The following SCGB1D4 variants were observed in gnomAD, a reference collection of about 807,000 sequenced individuals.
The protein encoded by SCGB1D4 is IFN-gamma inducible SCGB (IIS).
A neutral mutation model predicts 8.1 loss-of-function variants in SCGB1D4; 6 were observed. That is an observed-to-expected ratio of 0.74 (90% CI 0.40 to 1.45). The LOEUF (loss-of-function observed/expected upper bound fraction) is 1.45, where lower values mean the gene tolerates loss of function less well. Ranked by LOEUF, SCGB1D4 falls within the 40% of genes most tolerant of loss-of-function variation. The pLI, the probability that SCGB1D4 is intolerant of heterozygous loss-of-function variation, is 0.02. For synonymous variants in SCGB1D4, 34 were observed against 38.1 expected, an observed-to-expected ratio of 0.89 and a Z score of 0.39; for missense variants, 93 against 95.0, an observed-to-expected ratio of 0.98 and a Z score of 0.09.
chr11:62,298,058 T>TTTTTG (rs1565139772), intron 1 of SCGB1D4, among the ~76,000 whole-genome samples: 1 of 147,124 alleles, frequency 6.8e-6, no homozygotes, highest in African/African-American at 2.5e-5. Flanking sequence ...TTTGTTTTGT[T>TTTTTG]TTTTTTTTTT....
chr11:62,296,785 G>A (rs139097520), intron 2 of SCGB1D4, among the ~76,000 whole-genome samples: 1 of 152,340 alleles, frequency 6.6e-6, no homozygotes, highest in Non-Finnish European at 1.5e-5. Context: ...TCTGAAGCCA[G>A]GCAGGGCAGG....
At chr11:62,297,741 A>G in intron 1 of SCGB1D4, 83 bp from the exon 2 acceptor site, 1 of 1,130,062 alleles carries the variant, frequency 8.8e-7, no homozygotes, top group East Asian at 2.4e-5. Flanking sequence ...ACCAGACAGG[A>G]TCCCCTGGGT....
intron 2 of SCGB1D4, among the ~76,000 whole-genome samples, chr11:62,297,046 C>T (rs781152840): frequency 3.3e-5 from 5 of 152,172 alleles, no homozygotes; most frequent in Middle Eastern, 3.2e-3. Context: ...AAAGTCTTGG[C>T]CCACTGGCTG....
chr11:62,297,575 C>T lies in SCGB1D4; in HGVS notation c.139G>A (p.Ala47Thr). ...GCTTCTGGAGGTGGATTAAGTTTGG[C>T]AACTTGGAGGTTTACCGCAGCGTCA... ...LSDAAVNLQV[A>T]KLNPPPEALA... The change falls in exon 2 of 3, where the codon GCC becomes ACC. Residue 47 changes from alanine (A) to threonine (T), a missense_variant. Physicochemically the swap from Ala to Thr is moderately conservative, Grantham distance 58. Transcript: ENST00000358585. 3 of 1,613,962 alleles carry T rather than the reference C, an allele frequency of 1.9e-6. No individual in the cohort carries two copies. Among genetic ancestry groups the T allele is most frequent in the Non-Finnish European group, 1.7e-6 (2 of 1,179,908 alleles).
rs1212177183 is a variant in SCGB1D4 at position 62,297,509 on chromosome 11, T to A, written c.205A>T (p.Ile69Leu). The change falls in exon 2 of 3, where the codon ATA (isoleucine) becomes TTA (leucine). Residue 69 changes from isoleucine (I) to leucine (L), a missense_variant. By Grantham distance (5) the Ile-to-Leu change is conservative. Coordinates refer to ENST00000358585, the MANE Select transcript of SCGB1D4 (RefSeq NM_206998.2). The stretch of plus-strand genomic sequence containing the variant: ...AATGAGAGTCGTTTCTTAAAAGATA[T>A]CTGATCGGTGCAGTGCTTCACTTCC... ...KLEVKHCTDQ[I>L]SFKKRLSLKK... 1.9e-6 allele frequency: 3 copies of A among 1,612,850 alleles called. No individual in the cohort carries two copies. Among genetic ancestry groups the A allele is most frequent in the African/African-American group, 2.7e-5 (2 of 74,842 alleles).
chr11:62,298,959 G>C lies in SCGB1D4; in HGVS notation c.52C>G (p.Gln18Glu). The change falls in exon 1 of 3, where the codon CAG (glutamine) becomes GAG (glutamate). Residue 18 changes from glutamine (Q) to glutamate (E), a missense_variant. Transcript: ENST00000358585. ...GACTCATGACTGATGTACTCACCCT[G>C]GTAGCAGCAAAGGGCCAGCGAGACC... The part of the protein sequence containing the change: ...LMVSLALCCY[Q>E]AHALVCPAVA... The C allele has an allele frequency of 2.5e-6, 4 of 1,613,862 alleles. No homozygotes were observed. Among genetic ancestry groups the C allele is most frequent in the Non-Finnish European group, 3.4e-6 (4 of 1,179,818 alleles).
chr11:62,296,527 A>C, intron 2 of SCGB1D4, 108 bp from the exon 3 acceptor site: 1 of 1,142,574 alleles, frequency 8.8e-7, no homozygotes, highest in East Asian at 2.4e-5. Flanking sequence ...CCCCAATGGC[A>C]ATTGGAAAGG....
intron 1 of SCGB1D4, 120 bp downstream of exon 1, chr11:62,298,836 G>A: frequency 1.4e-6 from 1 of 736,580 alleles, no homozygotes; most frequent in Non-Finnish European, 2.1e-6. Flanking sequence ...GCACAGAAAA[G>A]GGTTTGGAAT....
intron 1 of SCGB1D4, 140 bp downstream of exon 1, chr11:62,298,816 T>G: frequency 1.7e-6 from 1 of 605,880 alleles, no homozygotes; most frequent in Non-Finnish European, 2.7e-6. Context: ...TTATGAATCT[T>G]ATTCAACAAG....
chr11:62,297,439 A>C (rs1565139440), intron 2 of SCGB1D4, 33 bp downstream of exon 2: 1 of 1,537,734 alleles, frequency 6.5e-7, no homozygotes, highest in Non-Finnish European at 9.0e-7. Flanking sequence ...GCTGAGTTGA[A>C]TTCTGCCTCT....
chr11:62,298,835 A>C (rs1471590767), intron 1 of SCGB1D4, 121 bp downstream of exon 1: 1 of 726,932 alleles, frequency 1.4e-6, no homozygotes, highest in Non-Finnish European at 2.2e-6. Context: ...AGCACAGAAA[A>C]GGGTTTGGAA....
intron 2 of SCGB1D4, 78 bp downstream of exon 2, chr11:62,297,394 T>TG: frequency 8.8e-7 from 1 of 1,134,728 alleles, no homozygotes; most frequent in Non-Finnish European, 1.3e-6. Context: ...TCCAGGCAGG[T>TG]GACCTGACAA....
rs563133003 is a variant in SCGB1D4, at chr11:62,298,122, A to G, written c.56-464T>C. 7.4e-5 allele frequency among the ~76,000 whole-genome samples: 11 copies of G among 148,380 alleles called. No homozygotes were observed. In the East Asian group the frequency reaches 2.2e-3, roughly 30 times the overall value. On this transcript the variant is annotated intron_variant, in intron 1 of 2. Coordinates refer to ENST00000358585, the MANE Select transcript of SCGB1D4 (RefSeq NM_206998.2). ...AGGCTGGTGCTGAACTCCTGAGCTC[A>G]AGTGATCTGCCCACTGTGGCCTCCC...
At chr11:62,296,483 A>T in intron 2 of SCGB1D4, 64 bp from the exon 3 acceptor site, 5 of 1,510,914 alleles carry the variant, frequency 3.3e-6, no homozygotes, top group Non-Finnish European at 4.6e-6. Context: ...GCTGGTGATG[A>T]TAGGCTAACA....
chr11:62,297,464 G>T lies in SCGB1D4; in HGVS notation c.242+8C>A. On this transcript the variant is annotated splice_region_variant and intron_variant, in intron 2 of 2. Coordinates refer to ENST00000358585, the MANE Select transcript of SCGB1D4 (RefSeq NM_206998.2). Reference sequence around the variant, plus strand: ...ATTCTGCCTCTGCATAAAGGAGAAAGAAATTACCAGGACTTTTTCAATGAG... The same window carrying T: ...ATTCTGCCTCTGCATAAAGGAGAAATAAATTACCAGGACTTTTTCAATGAG... 1 of 1,606,540 alleles carries T rather than the reference G, an allele frequency of 6.2e-7. No individual in the cohort carries two copies. The highest frequency in any genetic ancestry group is 8.5e-7 in the Non-Finnish European group (1 of 1,174,584).
At chr11:62,298,015 T>TGTGC (rs1945457141) in intron 1 of SCGB1D4, among the ~76,000 whole-genome samples, 1 of 116,754 alleles carries the variant, frequency 8.6e-6, no homozygotes. Flanking sequence ...CGCTTTTGTG[T>TGTGC]GTGTGTGTGT....
intron 2 of SCGB1D4, among the ~76,000 whole-genome samples, chr11:62,297,075 G>A (rs1222240871): frequency 6.6e-6 from 1 of 152,208 alleles, no homozygotes; most frequent in African/African-American, 2.4e-5. Flanking sequence ...AGAGTGTCAT[G>A]GATGAGGAGT....
Position 62,297,366 on chromosome 11 carries a change from C to T in SCGB1D4, c.242+106G>A, listed in dbSNP as rs144102998. 9.6e-3 allele frequency: 8,828 copies of T among 920,048 alleles called. 113 individuals carry two copies. Among genetic ancestry groups the T allele is most frequent in the Middle Eastern group, 0.035 (155 of 4,382 alleles). The allele number at this position is 920,048 out of a possible 1,614,324, so 57.0% of individuals were successfully genotyped here. ...TAGCTCACTCCCCATGTCCTCAGCA[C>T]ACTCTGGGGACACAGCATCCAGGCA... is the stretch of plus-strand genomic sequence containing the variant. On this transcript the variant is annotated intron_variant, in intron 2 of 2. Coordinates refer to ENST00000358585, the MANE Select transcript of SCGB1D4 (RefSeq NM_206998.2).
In SCGB1D4 at chr11:62,297,632, C is replaced by CAACA; in HGVS notation, c.78_81dup (p.Ala28CysfsTer4). 6.2e-7 allele frequency: 1 copy of CAACA among 1,613,712 alleles called. No individual in the cohort carries two copies. Among genetic ancestry groups the CAACA allele is most frequent in the Middle Eastern group, 1.7e-4 (1 of 5,812 alleles). On this transcript the variant is annotated frameshift_variant, in exon 2 of 3. Transcript: ENST00000358585. LOFTEE classifies it high-confidence loss of function. The stretch of plus-strand genomic sequence containing the variant: ...AATAAGAAGACTGTGATCTCAGAAG[C>CAACA]AACAGCTGGGCAGACAAGAGCATGG...
Sources: allele counts gnomAD v4.1 joint callset (sites outside exome capture counted in the v4.1 genomes callset), GRCh38; gene constraint gnomAD v4.1.1; transcripts MANE v1.5; gene names NCBI Gene and HGNC (gene_info 2026-07-23, HGNC 2026-07-21).